The following NEGR1 variants were observed in gnomAD, a reference collection of about 807,000 sequenced individuals.
NEGR1 encodes neuronal growth regulator 1, also known as IgLON family member 4.
In NEGR1, 10 loss-of-function variants were observed where a neutral mutation model predicts 40.9. The ratio of observed to expected loss-of-function variants is 0.24; its 90% CI spans 0.15 to 0.42. The LOEUF (loss-of-function observed/expected upper bound fraction) is 0.42. Among genes scored for constraint, NEGR1 ranks in the 10% least tolerant of loss-of-function variants. The pLI is 1.00. For missense variants in NEGR1, 352 were observed against 438.9 expected (o/e 0.80, Z 1.77); for synonymous variants, 185 against 166.8 (o/e 1.11, Z -0.84).
chr1:71,778,707 CAGA>C (rs1656598636), intron 2 of NEGR1, among the ~76,000 whole-genome samples: 1 of 152,072 alleles, frequency 6.6e-6, no homozygotes, highest in Admixed American at 6.5e-5. Context: ...CAAGGTTAGA[CAGA>C]GATATGTATA....
At chr1:71,486,181 G>A (rs1157736677) in intron 6 of NEGR1, among the ~76,000 whole-genome samples, 1 of 151,592 alleles carries the variant, frequency 6.6e-6, no homozygotes, top group Non-Finnish European at 1.5e-5. Flanking sequence ...GCTTTAAGTT[G>A]AATTTCCCTG....
At chr1:71,906,614 T>C (rs1661283942) in intron 2 of NEGR1, among the ~76,000 whole-genome samples, 1 of 152,054 alleles carries the variant, frequency 6.6e-6, no homozygotes, top group Non-Finnish European at 1.5e-5. Flanking sequence ...ATAAATGATT[T>C]TGATCAATGA....
At chr1:72,088,077 T>C (rs1322327608) in intron 1 of NEGR1, among the ~76,000 whole-genome samples, 1 of 152,246 alleles carries the variant, frequency 6.6e-6, no homozygotes, top group Non-Finnish European at 1.5e-5. Context: ...TAACTTTCTA[T>C]ACTCAGAACT....
At chr1:71,822,437 A>C (rs1411135477) in intron 2 of NEGR1, among the ~76,000 whole-genome samples, 1 of 152,032 alleles carries the variant, frequency 6.6e-6, no homozygotes, top group Non-Finnish European at 1.5e-5. Context: ...GTGCTGGAAC[A>C]ATCAGCACAT....
At chr1:71,541,240 G>T (rs1457718873) in intron 6 of NEGR1, among the ~76,000 whole-genome samples, 3 of 151,522 alleles carry the variant, frequency 2.0e-5, no homozygotes, top group Admixed American at 6.6e-5. Context: ...TATCCAAGAT[G>T]AGAGATCTAG....
chr1:72,045,330 C>G (rs1045327286), intron 1 of NEGR1, among the ~76,000 whole-genome samples: 9 of 151,804 alleles, frequency 5.9e-5, no homozygotes, highest in Admixed American at 1.3e-4. Context: ...AGGTCAGCAT[C>G]TGATTCTCAT....
At chr1:71,790,067 G>A (rs1010593194) in intron 2 of NEGR1, among the ~76,000 whole-genome samples, 6 of 152,052 alleles carry the variant, frequency 3.9e-5, no homozygotes, top group Non-Finnish European at 7.4e-5. Context: ...CTTTTGAGTA[G>A]GTCAACTACT....
chr1:71,480,653 G>A (rs993816277), intron 6 of NEGR1, among the ~76,000 whole-genome samples: 2 of 151,854 alleles, frequency 1.3e-5, no homozygotes, highest in Admixed American at 6.6e-5. Flanking sequence ...TGTTGTCAGA[G>A]ACCTTACTTC....
At chr1:71,933,874 A>G (rs1645878844) in intron 2 of NEGR1, among the ~76,000 whole-genome samples, 1 of 152,120 alleles carries the variant, frequency 6.6e-6, no homozygotes, top group African/African-American at 2.4e-5. Flanking sequence ...TATTTACTGT[A>G]CTAACAATTG....
At chr1:72,071,388 T>C (rs972914739) in intron 1 of NEGR1, among the ~76,000 whole-genome samples, 2 of 152,100 alleles carry the variant, frequency 1.3e-5, no homozygotes, top group Non-Finnish European at 2.9e-5. Context: ...AAATATTCAA[T>C]TTAATGGCAA....
intron 1 of NEGR1, among the ~76,000 whole-genome samples, chr1:72,225,508 A>G (rs1427134787): frequency 6.6e-6 from 1 of 151,618 alleles, no homozygotes; most frequent in East Asian, 1.9e-4. Context: ...TGAAGTATTG[A>G]CTTTATAAAT....
intron 1 of NEGR1, among the ~76,000 whole-genome samples, chr1:72,225,416 G>A (rs1414870652): frequency 2.0e-5 from 3 of 151,262 alleles, no homozygotes; most frequent in Admixed American, 2.0e-4. Flanking sequence ...TTAAATATGA[G>A]TTTTGTATTA....
intron 2 of NEGR1, among the ~76,000 whole-genome samples, chr1:71,848,946 C>T (rs1320789442): frequency 2.6e-5 from 4 of 151,910 alleles, no homozygotes; most frequent in Non-Finnish European, 4.4e-5. Flanking sequence ...AAAAATTAGC[C>T]GGGTGTGGGG....
intron 1 of NEGR1, among the ~76,000 whole-genome samples, chr1:72,259,565 A>G (rs72682760): frequency 6.6e-6 from 1 of 152,086 alleles, no homozygotes; most frequent in Non-Finnish European, 1.5e-5. Flanking sequence ...AATCAGAGGG[A>G]AAGTTTTTTC....
chr1:71,497,801 C>T (rs756748233), intron 6 of NEGR1, among the ~76,000 whole-genome samples: 8 of 151,990 alleles, frequency 5.3e-5, no homozygotes, highest in Non-Finnish European at 1.0e-4. Flanking sequence ...TAAAATAAAA[C>T]CTAACACTTG....
intron 1 of NEGR1, among the ~76,000 whole-genome samples, chr1:72,144,374 T>G (rs1036909686): frequency 1.3e-5 from 2 of 151,874 alleles, no homozygotes; most frequent in Admixed American, 1.3e-4. Context: ...CTATTTGCCT[T>G]TGAGGTGTAT....
chr1:71,643,835 A>G (rs575328157), intron 4 of NEGR1, among the ~76,000 whole-genome samples: 23 of 152,172 alleles, frequency 1.5e-4, no homozygotes, highest in Middle Eastern at 3.4e-3. Flanking sequence ...TAAACAGTCA[A>G]TAGAAATCAT....
At chr1:71,821,896 G>A (rs1019610491) in intron 2 of NEGR1, among the ~76,000 whole-genome samples, 2 of 151,934 alleles carry the variant, frequency 1.3e-5, no homozygotes, top group Admixed American at 1.3e-4. Context: ...AACATGAGCA[G>A]ATAATTCAGA....
chr1:72,113,580 A>G (rs74824745), intron 1 of NEGR1, among the ~76,000 whole-genome samples: 2,508 of 151,554 alleles, frequency 0.017, 68 homozygotes, highest in African/African-American at 0.058. Flanking sequence ...CACTGTCAGG[A>G]AGAGGAAAAT....
Sources: gnomAD v4.1 joint callset for allele counts (sites outside exome capture counted in the v4.1 genomes callset) on GRCh38, gnomAD v4.1.1 for gene constraint, MANE v1.5 for transcripts, NCBI Gene and HGNC (gene_info 2026-07-23, HGNC 2026-07-21) for gene names.